TLCD3A: variants seen among roughly 807,000 people sequenced by gnomAD.
The protein encoded by TLCD3A is TLC domain containing 3A.
TLCD3A carries 17 observed loss-of-function variants against 29.9 expected under a neutral mutation model. The ratio of observed to expected loss-of-function variants is 0.57; its 90% CI spans 0.39 to 0.85. The LOEUF is 0.85. TLCD3A is among the 40% of genes least tolerant of loss of function. TLCD3A has a pLI of 0.00. For missense variants in TLCD3A, 332 were observed against 350.8 expected, an observed-to-expected ratio of 0.95 and a Z score of 0.43; for synonymous variants, 143 against 147.7, an observed-to-expected ratio of 0.97 and a Z score of 0.23.
intron 2 of TLCD3A, among the ~76,000 whole-genome samples, chr17:737,362 T>C (rs1370596914): frequency 6.6e-6 from 1 of 151,984 alleles, no homozygotes; most frequent in African/African-American, 2.4e-5. Flanking sequence ...AGAAACTCCA[T>C]AGAGTGGGGT....
In TLCD3A at chr17:733,130, C is replaced by T. The variant is rs751790244; in HGVS notation, c.155C>T (p.Thr52Ile). The change falls in exon 2 of 5, where the codon ACC (threonine) becomes ATC (isoleucine). Residue 52 changes from threonine to isoleucine, a missense_variant. Coordinates refer to ENST00000308278, the MANE Select transcript of TLCD3A (RefSeq NM_024792.3). ...TCCTCGGTGCACGCCGTGCTGGCCACCGGCTCGGGGATCGTCATCATTCGC... is the reference window on the plus strand; with the variant it reads ...TCCTCGGTGCACGCCGTGCTGGCCATCGGCTCGGGGATCGTCATCATTCGC... ...LVSSVHAVLA[T>I]GSGIVIIRSC... The T allele has an allele frequency of 3.1e-6, 5 of 1,592,574 alleles. No homozygotes were observed. The highest frequency in any genetic ancestry group is 1.7e-5 in the Admixed American group (1 of 58,058).
chr17:738,297 T>C (rs1334619351), intron 3 of TLCD3A, among the ~76,000 whole-genome samples: 2 of 152,058 alleles, frequency 1.3e-5, no homozygotes, highest in Non-Finnish European at 2.9e-5. Context: ...GGTTTTGCCA[T>C]GTTGGCCAGG....
intron 3 of TLCD3A, 86 bp downstream of exon 3, chr17:738,133 C>A: frequency 2.1e-6 from 2 of 972,550 alleles, no homozygotes; most frequent in Non-Finnish European, 2.9e-6. Flanking sequence ...TCTCACTCTG[C>A]CGCCCCAGCT....
At chr17:732,969 A>C (rs1974096129) in intron 1 of TLCD3A, 129 bp from the exon 2 acceptor site, 1 of 1,404,030 alleles carries the variant, frequency 7.1e-7, no homozygotes, top group Non-Finnish European at 9.6e-7. Context: ...GGAATGGCCG[A>C]TGAGCCTCCG....
chr17:733,048 G>T (rs1455797198), intron 1 of TLCD3A, 50 bp from the exon 2 acceptor site: 2 of 1,521,842 alleles, frequency 1.3e-6, no homozygotes, highest in African/African-American at 2.8e-5. Flanking sequence ...GGCTCCCTGC[G>T]GTCCTCGGAC....
chr17:733,028 G>A (rs1211121632), intron 1 of TLCD3A, 70 bp from the exon 2 acceptor site: 1 of 1,520,994 alleles, frequency 6.6e-7, no homozygotes, highest in African/African-American at 1.4e-5. Flanking sequence ...CAGGCCGAAG[G>A]GCCGGGCCGG....
chr17:737,163 C>T (rs981238120), intron 2 of TLCD3A, among the ~76,000 whole-genome samples: 4 of 152,122 alleles, frequency 2.6e-5, no homozygotes, highest in African/African-American at 9.7e-5. Context: ...AGGTGTGCGC[C>T]ACCACATCTG....
rs1480901594 is a variant in TLCD3A, at chr17:740,260, G to A, written c.409-245G>A. Among the ~76,000 whole-genome samples the A allele has an allele frequency of 2.6e-5, 4 of 152,114 alleles. No homozygotes were observed. In the East Asian group the frequency reaches 5.8e-4, roughly 22 times the overall value. On this transcript the variant is annotated intron_variant, in intron 3 of 4. Coordinates refer to ENST00000308278, the MANE Select transcript of TLCD3A (RefSeq NM_024792.3). Reference sequence around the variant, plus strand: ...AAAGTAGGCTTGCAGCCTTCCTTCCGGCTGTCATCAAAATTCAGAGCTTGG... The same window carrying A: ...AAAGTAGGCTTGCAGCCTTCCTTCCAGCTGTCATCAAAATTCAGAGCTTGG...
chr17:732,654 C>A lies in TLCD3A; in HGVS notation c.7C>A (p.Leu3Met). ...GGCCGGACCCGCAGCCCCGATGCTG[C>A]TGACGCTGGCCGGGGGCGCGCTCTT... MLLTLAGGALFFP... is the reference protein window; with the variant it reads MLMTLAGGALFFP... The change falls in exon 1 of 5, where the codon CTG (leucine) becomes ATG (methionine). Residue 3 changes from leucine to methionine, a missense_variant. By Grantham distance (15) the Leu-to-Met change is conservative. Transcript: ENST00000308278. The A allele has an allele frequency of 7.3e-7, 1 of 1,365,408 alleles. No homozygotes were observed. The highest frequency in any genetic ancestry group is 9.5e-7 in the Non-Finnish European group (1 of 1,054,680). The allele number at this position is 1,365,408 out of a possible 1,614,324, so 84.6% of individuals were successfully genotyped here.
chr17:732,918 C>G, intron 1 of TLCD3A, 149 bp downstream of exon 1: 1 of 1,360,018 alleles, frequency 7.4e-7, no homozygotes, highest in South Asian at 1.6e-5. Flanking sequence ...TCCGAAGCCC[C>G]TCCGCGTCCT....
chr17:740,473 C>A, intron 3 of TLCD3A, 32 bp from the exon 4 acceptor site: 1 of 1,549,432 alleles, frequency 6.5e-7, no homozygotes, highest in Non-Finnish European at 8.9e-7. Context: ...TTAACCTCCA[C>A]TTACTTCCCC....
intron 2 of TLCD3A, among the ~76,000 whole-genome samples, chr17:735,057 C>T (rs1452977947): frequency 1.3e-5 from 2 of 151,954 alleles, no homozygotes; most frequent in East Asian, 3.9e-4. Context: ...GAGTCTCACT[C>T]TGTCACTCAG....
In TLCD3A at chr17:738,926, T is replaced by G. The variant is rs555873436; in HGVS notation, c.408+879T>G. Among the ~76,000 whole-genome samples, 12 of 152,332 alleles carry G rather than the reference T, an allele frequency of 7.9e-5. No homozygotes were observed. In the South Asian group the frequency reaches 2.5e-3, roughly 32 times the overall value. On this transcript the variant is annotated intron_variant, in intron 3 of 4. Transcript: ENST00000308278. ...TGATTCCCTAGCGTTTGTCAGAGGT[T>G]CTATCCTTAGTTCAATACAAGATAA...
chr17:733,551 C>T (rs577900783), intron 2 of TLCD3A, among the ~76,000 whole-genome samples: 1 of 152,286 alleles, frequency 6.6e-6, no homozygotes, highest in African/African-American at 2.4e-5. Context: ...AGCAGAGCCC[C>T]CTCCATGGAA....
intron 4 of TLCD3A, 34 bp downstream of exon 4, chr17:740,634 G>A (rs780648126): frequency 7.6e-6 from 12 of 1,582,266 alleles, no homozygotes; most frequent in Admixed American, 1.7e-5. Flanking sequence ...GAGTGTGAGG[G>A]TTCTGATTCA....
chr17:737,861 G>A lies in TLCD3A; in HGVS notation c.222G>A (p.Arg74=). 6.2e-7 allele frequency: 1 copy of A among 1,614,052 alleles called. No individual in the cohort carries two copies. Among genetic ancestry groups the A allele is most frequent in the African/African-American group, 1.3e-5 (1 of 75,006 alleles). The change falls in exon 3 of 5, where the codon CGG becomes CGA. Residue 74 remains arginine, a synonymous_variant. Coordinates refer to ENST00000308278, the MANE Select transcript of TLCD3A (RefSeq NM_024792.3). ...TTTCTTTCAGGCACTGGCTTGCCCG[G>A]GAATATGTGTGGTTTCTGATTCCAT... ...DVITGRHWLA[R]EYVWFLIPYM...
intron 3 of TLCD3A, among the ~76,000 whole-genome samples, chr17:738,412 A>C (rs1597544515): frequency 6.6e-6 from 1 of 150,636 alleles, no homozygotes; most frequent in Admixed American, 6.6e-5. Context: ...GGATGTCTTG[A>C]CCGTTACTTA....
intron 2 of TLCD3A, among the ~76,000 whole-genome samples, chr17:736,383 T>G (rs186903153): frequency 7.9e-5 from 12 of 152,298 alleles, no homozygotes; most frequent in African/African-American, 2.6e-4. Flanking sequence ...AATCCTCAAA[T>G]AGTACATGAT....
In TLCD3A at chr17:732,642, GC is replaced by G. The variant is rs1250263571; in HGVS notation, c.-2del. 11 of 1,315,068 alleles carry G rather than the reference GC, an allele frequency of 8.4e-6. No homozygotes were observed. The highest frequency in any genetic ancestry group is 2.9e-4 in the Middle Eastern group (1 of 3,470). The allele number at this position is 1,315,068 out of a possible 1,614,324, so 81.5% of individuals were successfully genotyped here. On this transcript the variant is annotated 5_prime_UTR_variant, in exon 1 of 5. Transcript: ENST00000308278. Reference sequence around the variant, plus strand: ...CGCCAGCGAGGCGGCCGGACCCGCAGCCCCGATGCTGCTGACGCTGGCCGGG... The same window carrying G: ...CGCCAGCGAGGCGGCCGGACCCGCAGCCCGATGCTGCTGACGCTGGCCGGG...
Sources: gnomAD v4.1 joint callset for allele counts (sites outside exome capture counted in the v4.1 genomes callset) on GRCh38, gnomAD v4.1.1 for gene constraint, MANE v1.5 for transcripts, NCBI Gene and HGNC (gene_info 2026-07-23, HGNC 2026-07-21) for gene names.